The following RIGI variants were observed in gnomAD, a reference collection of about 807,000 sequenced individuals.
RIGI encodes the protein RNA sensor RIG-I.
chr9:32,517,175 G>C, the RIGI span, among the ~76,000 whole-genome samples: 1 of 152,118 alleles, frequency 6.6e-6, no homozygotes, highest in African/African-American at 2.4e-5. Flanking sequence ...TTTGGCCCCA[G>C]GTTTCTTTGG....
At chr9:32,504,377 G>T in the RIGI span, among the ~76,000 whole-genome samples, 1 of 151,956 alleles carries the variant, frequency 6.6e-6, no homozygotes, top group Admixed American at 6.6e-5. Context: ...AATCCTCACT[G>T]ATAAAGTATA....
the RIGI span, among the ~76,000 whole-genome samples, chr9:32,481,146 T>A: frequency 6.6e-6 from 1 of 152,222 alleles, no homozygotes; most frequent in Non-Finnish European, 1.5e-5. Flanking sequence ...GCCTGCAGTA[T>A]GAAATTTCAG....
chr9:32,491,713 CAAAAA>C, the RIGI span, among the ~76,000 whole-genome samples: 8 of 100,402 alleles, frequency 8.0e-5, no homozygotes, highest in Admixed American at 1.0e-4. Flanking sequence ...TCGTATGCAC[CAAAAA>C]AAAAAAAAAA....
the RIGI span, among the ~76,000 whole-genome samples, chr9:32,479,362 C>A: frequency 6.6e-6 from 1 of 152,116 alleles, no homozygotes; most frequent in African/African-American, 2.4e-5. Context: ...ACTGGTTACA[C>A]ATATGTACAG....
At chr9:32,491,902 CTGAG>C in the RIGI span, among the ~76,000 whole-genome samples, 1 of 152,156 alleles carries the variant, frequency 6.6e-6, no homozygotes, top group African/African-American at 2.4e-5. Flanking sequence ...TGAAACAATG[CTGAG>C]TGTCAGCTTC....
At chr9:32,523,851 C>G in the RIGI span, among the ~76,000 whole-genome samples, 4 of 151,836 alleles carry the variant, frequency 2.6e-5, no homozygotes, top group Non-Finnish European at 4.4e-5. Flanking sequence ...GTTCATATCC[C>G]ACTTCTGCTT....
At chr9:32,473,022 A>G in the RIGI span, 5 of 1,611,226 alleles carry the variant, frequency 3.1e-6, no homozygotes, top group Non-Finnish European at 8.5e-7. Context: ...GCCAGGTTTT[A>G]GAAAACTGAG....
the RIGI span, among the ~76,000 whole-genome samples, chr9:32,460,626 A>C: frequency 1.3e-5 from 2 of 151,260 alleles, no homozygotes; most frequent in South Asian, 4.1e-4. Flanking sequence ...AATGGAAGAC[A>C]TAAAGTTTAG....
the RIGI span, among the ~76,000 whole-genome samples, chr9:32,524,596 G>GTTTTATTTTTT: frequency 1.5e-5 from 1 of 67,580 alleles, no homozygotes; most frequent in Non-Finnish European, 2.8e-5. Flanking sequence ...TTGTTTTTCG[G>GTTTTATTTTTT]TTTTTTTTTT....
At chr9:32,481,552 G>A in the RIGI span, 2 of 1,299,230 alleles carry the variant, frequency 1.5e-6, no homozygotes, top group East Asian at 5.0e-5. Context: ...AGTCATTTAG[G>A]GTTATAAACA....
the RIGI span, among the ~76,000 whole-genome samples, chr9:32,469,254 C>T: frequency 6.6e-6 from 1 of 152,168 alleles, no homozygotes; most frequent in Non-Finnish European, 1.5e-5. Flanking sequence ...TTATTTTGCC[C>T]TGCCCCTGAG....
chr9:32,485,119 A>C, the RIGI span: 4 of 1,282,868 alleles, frequency 3.1e-6, no homozygotes, highest in Non-Finnish European at 4.4e-6. Flanking sequence ...GACGATAGTG[A>C]ACAATAAATG....
At chr9:32,507,296 A>G in the RIGI span, among the ~76,000 whole-genome samples, 4 of 152,198 alleles carry the variant, frequency 2.6e-5, no homozygotes, top group Non-Finnish European at 5.9e-5. Flanking sequence ...CTCATATAGG[A>G]TCACTTTGGC....
At chr9:32,521,944 C>A in the RIGI span, among the ~76,000 whole-genome samples, 1 of 152,122 alleles carries the variant, frequency 6.6e-6, no homozygotes, top group Non-Finnish European at 1.5e-5. Context: ...CAAAAAGTGA[C>A]TTATAATCAG....
the RIGI span, chr9:32,488,007 T>C: frequency 6.6e-5 from 106 of 1,613,974 alleles, no homozygotes; most frequent in Admixed American, 2.3e-4. Flanking sequence ...ATGATCATAT[T>C]GTACGGGTGT....
the RIGI span, among the ~76,000 whole-genome samples, chr9:32,514,000 A>T: frequency 6.6e-6 from 1 of 152,242 alleles, no homozygotes; most frequent in Non-Finnish European, 1.5e-5. Flanking sequence ...GTCATTACAG[A>T]AATGCAAATC....
the RIGI span, among the ~76,000 whole-genome samples, chr9:32,517,015 T>C: frequency 6.6e-6 from 1 of 152,250 alleles, no homozygotes; most frequent in African/African-American, 2.4e-5. Context: ...TCTTTTGTAC[T>C]ACGTTTGCCC....
chr9:32,463,673 T>TAAGTC, the RIGI span, among the ~76,000 whole-genome samples: 3 of 151,994 alleles, frequency 2.0e-5, no homozygotes, highest in Non-Finnish European at 4.4e-5. Flanking sequence ...AATCATAAGT[T>TAAGTC]AAGTCTATGG....
chr9:32,470,513 GA>G, the RIGI span, among the ~76,000 whole-genome samples: 10 of 152,200 alleles, frequency 6.6e-5, no homozygotes, highest in Admixed American at 5.2e-4. Flanking sequence ...ATATTCTTTT[GA>G]TTTTTTTTCA....
Sources: gnomAD v4.1 joint callset for allele counts (sites outside exome capture counted in the v4.1 genomes callset) on GRCh38, gnomAD v4.1.1 for gene constraint, MANE v1.5 for transcripts, NCBI Gene and HGNC (gene_info 2026-07-23, HGNC 2026-07-21) for gene names.